THSD7B: variants seen among roughly 807,000 people sequenced by gnomAD.
The protein encoded by THSD7B is thrombospondin type-1 domain-containing protein 7B.
A neutral mutation model predicts 213.6 loss-of-function variants in THSD7B; 138 were observed. That is an observed-to-expected ratio of 0.65 (90% CI 0.56 to 0.74). THSD7B has a LOEUF of 0.74. Among genes scored for constraint, THSD7B ranks in the 30% least tolerant of loss-of-function variants. THSD7B has a pLI of 0.00. For missense variants in THSD7B, 1,931 were observed against 1,991.5 expected, an observed-to-expected ratio of 0.97 and a Z score of 0.58; for synonymous variants, 742 against 687.0, an observed-to-expected ratio of 1.08 and a Z score of -1.25.
At chr2:137,251,150 A>T (rs1264954003) in intron 10 of THSD7B, among the ~76,000 whole-genome samples, 1 of 152,330 alleles carries the variant, frequency 6.6e-6, no homozygotes, top group Non-Finnish European at 1.5e-5. Context: ...AATTTGCTTA[A>T]GCAAACCTAG....
intron 27 of THSD7B, among the ~76,000 whole-genome samples, chr2:137,670,644 A>G (rs779207513): frequency 6.6e-6 from 1 of 152,148 alleles, no homozygotes; most frequent in Non-Finnish European, 1.5e-5. Flanking sequence ...ATCTTCGGCC[A>G]GGTGCGGTGG....
chr2:137,661,892 G>A lies in THSD7B; in HGVS notation c.4459-1491G>A, dbSNP rs540590897. Among the ~76,000 whole-genome samples the A allele has an allele frequency of 2.4e-4, 37 of 152,160 alleles. 1 individual carries two copies. The highest frequency in any genetic ancestry group is 8.7e-4 in the African/African-American group (36 of 41,534). Reference sequence around the variant, plus strand: ...GCGTGTTTACTGAAGTTGTACACATGCTCACTTTAGGCATTTTTCCCTTAC... The same window carrying A: ...GCGTGTTTACTGAAGTTGTACACATACTCACTTTAGGCATTTTTCCCTTAC... On this transcript the variant is annotated intron_variant, in intron 25 of 27. Transcript: ENST00000409968.
chr2:136,873,515 A>T (rs1297040911), intron 1 of THSD7B, among the ~76,000 whole-genome samples: 2 of 152,204 alleles, frequency 1.3e-5, no homozygotes, highest in Non-Finnish European at 2.9e-5. Context: ...TCGCAGGGTC[A>T]GTGTGAATCT....
At chr2:137,534,528 T>C (rs1359435958) in intron 15 of THSD7B, among the ~76,000 whole-genome samples, 1 of 151,838 alleles carries the variant, frequency 6.6e-6, no homozygotes, top group African/African-American at 2.4e-5. Flanking sequence ...AACTTTTCTG[T>C]ATATTTTTAA....
At chr2:137,584,571 T>C (rs1681671301) in intron 17 of THSD7B, among the ~76,000 whole-genome samples, 1 of 152,230 alleles carries the variant, frequency 6.6e-6, no homozygotes, top group Non-Finnish European at 1.5e-5. Context: ...GTCAAAGGCC[T>C]TTTCTGCATC....
At chr2:137,157,304 G>A (rs908570773) in intron 5 of THSD7B, among the ~76,000 whole-genome samples, 2 of 152,326 alleles carry the variant, frequency 1.3e-5, no homozygotes, top group African/African-American at 4.8e-5. Context: ...GGTCTCCACT[G>A]TGCATATCCC....
intron 12 of THSD7B, among the ~76,000 whole-genome samples, chr2:137,363,414 C>CA (rs1402381238): frequency 1.3e-5 from 2 of 151,902 alleles, no homozygotes; most frequent in African/African-American, 4.8e-5. Flanking sequence ...GACAGAGACA[C>CA]AAAAAACCCT....
chr2:137,047,867 G>C lies in THSD7B; in HGVS notation c.140-8553G>C, dbSNP rs1686997620. Among the ~76,000 whole-genome samples, 2 of 152,188 alleles carry C rather than the reference G, an allele frequency of 1.3e-5. 1 individual carries two copies. The highest frequency in any genetic ancestry group is 4.1e-4 in the South Asian group (2 of 4,824). ...GGAGTGGAGTTTTGGAGTGTCTCAA[G>C]ACTATATTTTAAGACTAAGGAAGAA... On this transcript the variant is annotated intron_variant, in intron 2 of 27. Transcript: ENST00000409968.
chr2:137,374,165 G>A (rs957008861), intron 12 of THSD7B, among the ~76,000 whole-genome samples: 3 of 151,534 alleles, frequency 2.0e-5, no homozygotes, highest in African/African-American at 4.8e-5. Flanking sequence ...AGGGAGGGAG[G>A]GAGAGAGAGA....
At chr2:137,557,206 C>A (rs1178077508) in intron 15 of THSD7B, among the ~76,000 whole-genome samples, 1 of 152,202 alleles carries the variant, frequency 6.6e-6, no homozygotes, top group Non-Finnish European at 1.5e-5. Flanking sequence ...TAGACATCTA[C>A]AGAACTCTCC....
chr2:137,124,748 G>A (rs891649083), intron 5 of THSD7B, among the ~76,000 whole-genome samples: 1 of 152,098 alleles, frequency 6.6e-6, no homozygotes. Context: ...AAGTAAAAAT[G>A]TTATGTACTT....
intron 14 of THSD7B, among the ~76,000 whole-genome samples, chr2:137,447,252 T>A (rs1448119799): frequency 6.6e-6 from 1 of 152,072 alleles, no homozygotes; most frequent in East Asian, 1.9e-4. Flanking sequence ...AATCCTTCAG[T>A]ATGCAAGTGT....
intron 7 of THSD7B, among the ~76,000 whole-genome samples, chr2:137,173,594 A>G (rs1204661232): frequency 6.6e-6 from 1 of 152,202 alleles, no homozygotes; most frequent in Non-Finnish European, 1.5e-5. Context: ...ATATTTGTTC[A>G]TATCAGCTCC....
At chr2:137,262,762 G>A (rs530311920) in intron 10 of THSD7B, among the ~76,000 whole-genome samples, 9 of 152,166 alleles carry the variant, frequency 5.9e-5, no homozygotes, top group East Asian at 1.9e-4. Context: ...GTGCTAAATC[G>A]GTGGTTCTCC....
chr2:137,632,300 C>T (rs1682756663), intron 20 of THSD7B, among the ~76,000 whole-genome samples: 1 of 152,158 alleles, frequency 6.6e-6, no homozygotes, highest in African/African-American at 2.4e-5. Context: ...TAAGAAGCCC[C>T]TCTGAATTTT....
intron 12 of THSD7B, among the ~76,000 whole-genome samples, chr2:137,300,536 T>C (rs1461562059): frequency 6.6e-6 from 1 of 152,120 alleles, no homozygotes. Context: ...TTAATACATA[T>C]CCACATGGCA....
In THSD7B at chr2:137,451,038, G is replaced by A; in HGVS notation, c.3138+15G>A. ...TCAAGAATCAGGTAAAGTGCATGAA[G>A]CAACAAATAAAAAGCTAAAAAAGCT... On this transcript the variant is annotated intron_variant, in intron 15 of 27. Transcript: ENST00000409968. The A allele has an allele frequency of 6.5e-7, 1 of 1,541,104 alleles. No homozygotes were observed. The highest frequency in any genetic ancestry group is 2.3e-5 in the East Asian group (1 of 42,628).
At chr2:137,354,749 T>A (rs1156257086) in intron 12 of THSD7B, among the ~76,000 whole-genome samples, 1 of 152,060 alleles carries the variant, frequency 6.6e-6, no homozygotes, top group East Asian at 1.9e-4. Flanking sequence ...AGGTACTACT[T>A]TTGTCCGAAA....
chr2:137,528,736 A>C (rs1191513633), intron 15 of THSD7B, among the ~76,000 whole-genome samples: 1 of 152,088 alleles, frequency 6.6e-6, no homozygotes. Context: ...AACTTGTATC[A>C]GAATCACTAG....
Sources: gnomAD v4.1 joint callset for allele counts (sites outside exome capture counted in the v4.1 genomes callset) on GRCh38, gnomAD v4.1.1 for gene constraint, MANE v1.5 for transcripts, NCBI Gene and HGNC (gene_info 2026-07-23, HGNC 2026-07-21) for gene names.